The following WNK2 variants were observed in gnomAD, a reference collection of about 807,000 sequenced individuals.
WNK2 encodes WNK lysine deficient protein kinase 2, also known as serine/threonine-protein kinase WNK2.
A neutral mutation model predicts 192.1 loss-of-function variants in WNK2; 67 were observed. The ratio of observed to expected loss-of-function variants is 0.35; its 90% CI spans 0.29 to 0.43. The LOEUF (loss-of-function observed/expected upper bound fraction) is 0.43. Among genes scored for constraint, WNK2 ranks in the 20% least tolerant of loss-of-function variants. The pLI is 1.00. For synonymous variants in WNK2, 1,439 were observed against 1,393.9 expected, an observed-to-expected ratio of 1.03 and a Z score of -0.72; for missense variants, 2,698 against 3,089.7, an observed-to-expected ratio of 0.87 and a Z score of 3.01.
chr9:93,320,370 C>T lies in WNK2; in HGVS notation c.6632C>T (p.Pro2211Leu), dbSNP rs1855307863. 7.3e-7 allele frequency: 1 copy of T among 1,367,634 alleles called. No homozygotes were observed. The highest frequency in any genetic ancestry group is 9.8e-7 in the Non-Finnish European group (1 of 1,021,800). 84.7% of individuals were successfully genotyped at this position (1,367,634 alleles called of 1,614,324 possible). Residue 2211 changes from proline to leucine, a missense_variant, in exon 30 of 30, where the codon CCT becomes CTT. By Grantham distance (98) the Pro-to-Leu change is moderately conservative (BLOSUM62 -3). Coordinates refer to ENST00000427277, the MANE Select transcript of WNK2 (RefSeq NM_006648.4). ...APTLSVPTPD[P>L]ESEKPD is the part of the protein sequence containing the mutation. ...GCTGCGCGGTTTTGTTTTCCAGATCCTGAGAGTGAGAAGCCTGACTGACCC... is the reference window on the plus strand; with the variant it reads ...GCTGCGCGGTTTTGTTTTCCAGATCTTGAGAGTGAGAAGCCTGACTGACCC...
intron 26 of WNK2, among the ~76,000 whole-genome samples, chr9:93,303,773 C>A (rs1852005868): frequency 6.6e-6 from 1 of 152,332 alleles, no homozygotes; most frequent in South Asian, 2.1e-4. Flanking sequence ...CCAGGTCTCC[C>A]TGGGCAGAGC....
At chr9:93,290,261 G>A (rs1849129491) in intron 21 of WNK2, among the ~76,000 whole-genome samples, 1 of 151,986 alleles carries the variant, frequency 6.6e-6, no homozygotes, top group African/African-American at 2.4e-5. Flanking sequence ...TCCAACCTCT[G>A]GCCCATGAGC....
intron 12 of WNK2, among the ~76,000 whole-genome samples, chr9:93,260,560 G>C (rs949026934): frequency 6.6e-6 from 1 of 152,212 alleles, no homozygotes; most frequent in Non-Finnish European, 1.5e-5. Flanking sequence ...CATCCCTGGT[G>C]CCAGGTGCCC....
chr9:93,253,034 G>A lies in WNK2; in HGVS notation c.1986G>A (p.Leu662=), dbSNP rs143135461. ...CCCCTGTGAGCGAGGGGCCCGTCCT[G>A]CCGCAGAGCCTGCCCTCGCTGGGGG... ...CSPPVSEGPV[L]PQSLPSLGAY... is the part of the protein sequence containing the mutation. The change falls in exon 9 of 30, where the codon CTG becomes CTA. Residue 662 remains leucine (L), a synonymous_variant. Transcript: ENST00000427277. 39 of 1,538,448 alleles carry A rather than the reference G, an allele frequency of 2.5e-5. No individual in the cohort carries two copies. Among genetic ancestry groups the A allele is most frequent in the Middle Eastern group, 3.4e-4 (2 of 5,928 alleles).
intron 12 of WNK2, 81 bp from the exon 13 acceptor site, chr9:93,261,733 A>T: frequency 6.7e-7 from 1 of 1,492,708 alleles, no homozygotes; most frequent in South Asian, 1.3e-5. Context: ...CGGCCTGGGT[A>T]TTCCCAGACA....
At chr9:93,220,897 C>T (rs993466430) in intron 2 of WNK2, among the ~76,000 whole-genome samples, 54 of 152,320 alleles carry the variant, frequency 3.5e-4, no homozygotes, top group Non-Finnish European at 6.8e-4. Flanking sequence ...GCCTGGGTCC[C>T]CCTTTGGTCC....
intron 19 of WNK2, among the ~76,000 whole-genome samples, chr9:93,279,040 C>T (rs1431662875): frequency 2.6e-5 from 4 of 152,146 alleles, no homozygotes; most frequent in Admixed American, 6.5e-5. Flanking sequence ...GGTGAACAGC[C>T]GAAAAGCATC....
rs778108051 is a variant in WNK2 at position 93,257,135 on chromosome 9, C to T, written c.2378C>T (p.Pro793Leu). 25 of 1,607,422 alleles carry T rather than the reference C, an allele frequency of 1.6e-5. No homozygotes were observed. The South Asian group carries it at 1.9e-4, about 12-fold the overall frequency. Residue 793 changes from proline (P) to leucine (L), a missense_variant, in exon 11 of 30, where the codon CCG becomes CTG. Pro to Leu is a moderately conservative substitution (Grantham distance 98). Around this residue, in one of 7 missense-constraint regions of WNK2, gnomAD observed 893 missense variants for 909.0 expected, o/e 0.98. Coordinates refer to ENST00000427277, the MANE Select transcript of WNK2 (RefSeq NM_006648.4). The surrounding 1 kb of genome is among the most constrained non-coding windows in gnomAD (Gnocchi z 4.7). The stretch of plus-strand genomic sequence containing the variant: ...CTGCAGCCGCTTGCTCAAGTCCCTC[C>T]GCAGGTAATTCTAGGTTGATGGCTG... ...APLQPLAQVP[P>L]QMPPIPVVPP...
chr9:93,294,662 A>C (rs1849952461), intron 23 of WNK2, among the ~76,000 whole-genome samples: 1 of 152,142 alleles, frequency 6.6e-6, no homozygotes, highest in South Asian at 2.1e-4. Flanking sequence ...AGGAGCTGCT[A>C]TAGGCTCTGA....
At position 93,256,333 on chromosome 9, in the gene WNK2, C is replaced by T. The variant is rs1423502571; in HGVS notation, c.2069C>T (p.Ala690Val). ...CCGGTGGGCTCTGTCCCGGCCCCCG[C>T]CTGCCCTCCGTCCCTCCAGCAGCAC... ...GLPVGSVPAP[A>V]CPPSLQQHFP... The change falls in exon 10 of 30, where the codon GCC becomes GTC. Residue 690 changes from alanine (A) to valine (V), a missense_variant. Around this residue, in one of 7 missense-constraint regions of WNK2, gnomAD observed 893 missense variants for 909.0 expected, o/e 0.98. Coordinates refer to ENST00000427277, the MANE Select transcript of WNK2 (RefSeq NM_006648.4). 3 of 1,584,068 alleles carry T rather than the reference C, an allele frequency of 1.9e-6. No homozygotes were observed. The South Asian group carries it at 3.4e-5, about 18-fold the overall frequency.
intron 2 of WNK2, among the ~76,000 whole-genome samples, chr9:93,213,064 G>GT (rs71364363): frequency 1.4e-3 from 212 of 152,132 alleles, no homozygotes; most frequent in Middle Eastern, 0.014. Context: ...TACTTCCAGG[G>GT]AGGGGGCACC....
intron 21 of WNK2, among the ~76,000 whole-genome samples, chr9:93,290,619 TC>T (rs925725770): frequency 2.0e-5 from 3 of 152,204 alleles, no homozygotes; most frequent in African/African-American, 7.2e-5. Flanking sequence ...CTGCACACGT[TC>T]CGGTGGACCC....
chr9:93,319,093 G>A (rs1317089264), intron 29 of WNK2: 2 of 1,613,928 alleles, frequency 1.2e-6, no homozygotes, highest in Admixed American at 1.7e-5. Context: ...AGTGGGGGCT[G>A]CCCTCACCTG....
At chr9:93,222,497 C>A (rs924658317) in intron 2 of WNK2, among the ~76,000 whole-genome samples, 1 of 152,230 alleles carries the variant, frequency 6.6e-6, no homozygotes, top group South Asian at 2.1e-4. Flanking sequence ...CGACTCACCC[C>A]CAACTGAGCA....
intron 2 of WNK2, among the ~76,000 whole-genome samples, chr9:93,222,074 G>A (rs1837005105): frequency 6.6e-6 from 1 of 151,640 alleles, no homozygotes; most frequent in Non-Finnish European, 1.5e-5. Context: ...TGGGTGACAG[G>A]GTGAGTACCG....
chr9:93,262,970 GA>G (rs1482514375), intron 14 of WNK2, among the ~76,000 whole-genome samples: 4 of 152,208 alleles, frequency 2.6e-5, no homozygotes, highest in Non-Finnish European at 5.9e-5. Flanking sequence ...TTGCAGTGCT[GA>G]GAATGTTCCA....
At chr9:93,299,333 G>T (rs770542203) in intron 25 of WNK2, 72 bp downstream of exon 25, 15 of 1,481,534 alleles carry the variant, frequency 1.0e-5, no homozygotes, top group South Asian at 4.1e-5. Flanking sequence ...CCAGGAGCAC[G>T]CCCGTGTTGT....
chr9:93,259,016 C>T lies in WNK2; in HGVS notation c.2468C>T (p.Ala823Val), dbSNP rs370035213. ...CCGGCCCTCCCAGACCTGCCGACCG[C>T]GACTGTGCCTCCCGTGCCACCACCT... is the stretch of plus-strand genomic sequence containing the variant. ...LPPALPDLPT[A>V]TVPPVPPPQY... is the part of the protein sequence containing the mutation. Residue 823 changes from alanine (A) to valine (V), a missense_variant, in exon 12 of 30, where the codon GCG becomes GTG. Ala to Val is a moderately conservative substitution (Grantham distance 64). This residue lies in a region of WNK2 where 893 missense variants were observed against 909.0 expected (regional missense o/e 0.98). Coordinates refer to ENST00000427277, the MANE Select transcript of WNK2 (RefSeq NM_006648.4). The surrounding 1 kb of genome is among the most constrained non-coding windows in gnomAD (Gnocchi z 4.8). 23 of 1,612,866 alleles carry T rather than the reference C, an allele frequency of 1.4e-5. No homozygotes were observed. The highest frequency in any genetic ancestry group is 2.2e-5 in the East Asian group (1 of 44,862).
At position 93,240,108 on chromosome 9, in the gene WNK2, A is replaced by G. The variant is rs542325002; in HGVS notation, c.1542+132A>G. The G allele has an allele frequency of 1.3e-3, 1,278 of 965,484 alleles. 6 individuals carry two copies. Among genetic ancestry groups the G allele is most frequent in the South Asian group, 1.9e-3 (121 of 62,644 alleles). 59.8% of individuals were successfully genotyped at this position (965,484 alleles called of 1,614,324 possible). A position where few individuals can be genotyped will look rare whatever the true frequency, so the allele number is the denominator to read the frequency against. On this transcript the variant is annotated intron_variant, in intron 7 of 29. Transcript: ENST00000427277. ...CAAGGCCAGTGGGTGTGGCGGTGCC[A>G]TCCAGGCAGGTGTGGGCAGCTGAGG...
Sources: gnomAD v4.1 joint callset for allele counts (sites outside exome capture counted in the v4.1 genomes callset) on GRCh38, gnomAD v4.1.1 for gene constraint, gnomAD v4.1.1 regional missense constraint, Gnocchi (gnomAD v3.1) non-coding constraint, MANE v1.5 for transcripts, NCBI Gene and HGNC (gene_info 2026-07-23, HGNC 2026-07-21) for gene names.